SIPA1L1: variants seen among roughly 807,000 people sequenced by gnomAD.
The protein encoded by SIPA1L1 is signal induced proliferation associated 1 like 1.
A neutral mutation model predicts 162.7 loss-of-function variants in SIPA1L1; 26 were observed. The ratio of observed to expected loss-of-function variants is 0.16; its 90% CI spans 0.12 to 0.22. SIPA1L1 has a LOEUF of 0.22. Ranked by LOEUF, SIPA1L1 falls within the 10% of genes least tolerant of loss-of-function variation. The pLI, the probability that SIPA1L1 is intolerant of heterozygous loss-of-function variation, is 1.00. For missense variants in SIPA1L1, 1,874 were observed against 2,241.0 expected (o/e 0.84, Z 3.31); for synonymous variants, 829 against 837.4 (o/e 0.99, Z 0.17).
At chr14:71,725,252 T>G (rs1438365325) in intron 19 of SIPA1L1, among the ~76,000 whole-genome samples, 1 of 152,192 alleles carries the variant, frequency 6.6e-6, no homozygotes, top group African/African-American at 2.4e-5. Context: ...AATGGCCCCA[T>G]TTGCTCCTGA....
intron 2 of SIPA1L1, among the ~76,000 whole-genome samples, chr14:71,352,779 A>G (rs2036846848): frequency 6.6e-6 from 1 of 152,208 alleles, no homozygotes; most frequent in Non-Finnish European, 1.5e-5. Context: ...ATACTGATAA[A>G]CAGTTTTCTA....
intron 17 of SIPA1L1, among the ~76,000 whole-genome samples, chr14:71,721,280 C>G (rs1052442922): frequency 2.0e-5 from 3 of 152,216 alleles, no homozygotes; most frequent in Non-Finnish European, 4.4e-5. Context: ...CTCTCTCTCT[C>G]TCTTCCCTCT....
chr14:71,360,178 A>G (rs2037669289), intron 2 of SIPA1L1, among the ~76,000 whole-genome samples: 1 of 152,256 alleles, frequency 6.6e-6, no homozygotes, highest in Non-Finnish European at 1.5e-5. Flanking sequence ...GATAAAGCTT[A>G]TAATGTTCTA....
chr14:71,529,298 T>A lies in SIPA1L1; in HGVS notation c.-361-14T>A. 1.6e-6 allele frequency: 1 copy of A among 617,128 alleles called. No homozygotes were observed. Among genetic ancestry groups the A allele is most frequent in the Non-Finnish European group, 2.9e-6 (1 of 345,348 alleles). The allele number at this position is 617,128 out of a possible 1,614,324, so 38.2% of individuals were successfully genotyped here. ...TGTGCACTTAACCAGGTTTTTTTTCTAATTTTATTTCAGGTTATACCTTAT... is the reference window on the plus strand; with the variant it reads ...TGTGCACTTAACCAGGTTTTTTTTCAAATTTTATTTCAGGTTATACCTTAT... On this transcript the variant is annotated splice_polypyrimidine_tract_variant and intron_variant, in intron 3 of 23. Coordinates refer to ENST00000381232, the MANE Select transcript of SIPA1L1 (RefSeq NM_001386936.1).
chr14:71,596,613 A>G (rs980190720), intron 5 of SIPA1L1, among the ~76,000 whole-genome samples: 1 of 152,178 alleles, frequency 6.6e-6, no homozygotes, highest in Non-Finnish European at 1.5e-5. Context: ...TTTAGCATCT[A>G]TTTTGTGCCA....
intron 2 of SIPA1L1, among the ~76,000 whole-genome samples, chr14:71,387,795 A>T (rs2040455849): frequency 1.3e-5 from 2 of 152,204 alleles, no homozygotes; most frequent in African/African-American, 4.8e-5. Context: ...TCGTTGCTTA[A>T]ATTATTGGAT....
At chr14:71,601,685 T>TAA (rs1251055480) in intron 5 of SIPA1L1, among the ~76,000 whole-genome samples, 5 of 152,164 alleles carry the variant, frequency 3.3e-5, no homozygotes, top group Non-Finnish European at 5.9e-5. Flanking sequence ...ATAAGTTTGA[T>TAA]AGAATTCAAC....
At chr14:71,562,262 T>C (rs1387113297) in intron 4 of SIPA1L1, among the ~76,000 whole-genome samples, 1 of 152,052 alleles carries the variant, frequency 6.6e-6, no homozygotes, top group Non-Finnish European at 1.5e-5. Flanking sequence ...AATATTTGTA[T>C]CATTTCATTT....
chr14:71,330,619 G>C, intron 2 of SIPA1L1: 1 of 950,492 alleles, frequency 1.1e-6, no homozygotes. Flanking sequence ...CAGTGTGATG[G>C]TTTGGGGCGG....
intron 2 of SIPA1L1, among the ~76,000 whole-genome samples, chr14:71,490,963 A>G (rs969644217): frequency 2.0e-5 from 3 of 152,194 alleles, no homozygotes; most frequent in Non-Finnish European, 4.4e-5. Flanking sequence ...AAGTTTGCTT[A>G]TTTAACTTAG....
intron 4 of SIPA1L1, among the ~76,000 whole-genome samples, chr14:71,564,501 T>TTTTTTTTTTC (rs1555459918): frequency 7.5e-5 from 11 of 146,400 alleles, no homozygotes; most frequent in East Asian, 4.0e-4. Flanking sequence ...TTTTTTTTTT[T>TTTTTTTTTTC]CCGAGACAGA....
At chr14:71,434,041 G>T (rs1009254952) in intron 2 of SIPA1L1, among the ~76,000 whole-genome samples, 4 of 152,168 alleles carry the variant, frequency 2.6e-5, no homozygotes, top group Non-Finnish European at 5.9e-5. Flanking sequence ...TGTGACTAAT[G>T]ATCAAAGGAA....
intron 2 of SIPA1L1, among the ~76,000 whole-genome samples, chr14:71,438,941 A>G (rs1482598479): frequency 1.3e-5 from 2 of 152,058 alleles, no homozygotes; most frequent in African/African-American, 4.8e-5. Context: ...AAGTACTTGG[A>G]ATTGATACAG....
At chr14:71,536,521 G>T (rs1488689012) in intron 4 of SIPA1L1, among the ~76,000 whole-genome samples, 6 of 152,282 alleles carry the variant, frequency 3.9e-5, no homozygotes, top group Admixed American at 3.9e-4. Context: ...GCATTTTGTG[G>T]TATCATTCAG....
chr14:71,578,560 A>T (rs972409994), intron 4 of SIPA1L1, among the ~76,000 whole-genome samples: 20 of 152,232 alleles, frequency 1.3e-4, no homozygotes, highest in African/African-American at 4.3e-4. Context: ...TGATAACATG[A>T]ACAGTGAATG....
intron 2 of SIPA1L1, among the ~76,000 whole-genome samples, chr14:71,393,560 C>A (rs974769658): frequency 6.6e-6 from 1 of 152,150 alleles, no homozygotes; most frequent in African/African-American, 2.4e-5. Flanking sequence ...GTAATCCCAG[C>A]ACTTTGGGAG....
At chr14:71,580,058 GT>G (rs966116649) in intron 4 of SIPA1L1, among the ~76,000 whole-genome samples, 1 of 152,124 alleles carries the variant, frequency 6.6e-6, no homozygotes, top group Non-Finnish European at 1.5e-5. Context: ...TCTCTGCTGC[GT>G]TTTTTACAGA....
chr14:71,564,408 C>T (rs1485927122), intron 4 of SIPA1L1, among the ~76,000 whole-genome samples: 1 of 143,312 alleles, frequency 7.0e-6, no homozygotes, highest in East Asian at 2.0e-4. Context: ...GCTTTTGTTT[C>T]AGCAGGTACT....
At chr14:71,475,917 G>T (rs181669706) in intron 2 of SIPA1L1, among the ~76,000 whole-genome samples, 60 of 152,310 alleles carry the variant, frequency 3.9e-4, no homozygotes, top group African/African-American at 1.4e-3. Flanking sequence ...ATAGCATTTT[G>T]AACCAAGGCT....
Sources: allele counts gnomAD v4.1 joint callset (sites outside exome capture counted in the v4.1 genomes callset), GRCh38; gene constraint gnomAD v4.1.1; transcripts MANE v1.5; gene names NCBI Gene and HGNC (gene_info 2026-07-23, HGNC 2026-07-21).